The following DOK5 variants were observed in gnomAD, a reference collection of about 807,000 sequenced individuals.
The protein encoded by DOK5 is downstream of tyrosine kinase 5.
A neutral mutation model predicts 43.3 loss-of-function variants in DOK5; 27 were observed. That is an observed-to-expected ratio of 0.62 (90% CI 0.46 to 0.86). The LOEUF (loss-of-function observed/expected upper bound fraction) is 0.86, where lower values mean the gene tolerates loss of function less well. Ranked by LOEUF, DOK5 falls within the 40% of genes least tolerant of loss-of-function variation. The probability of loss-of-function intolerance (pLI) is 0.00; values close to 1 mark genes in which losing one functional copy is unlikely to be tolerated. For missense variants in DOK5, 373 were observed against 392.9 expected (o/e 0.95, Z 0.43); for synonymous variants, 146 against 140.1 (o/e 1.04, Z -0.30).
intron 1 of DOK5, among the ~76,000 whole-genome samples, chr20:54,488,760 T>TGCCCCTTCCCTCCC (rs762209109): frequency 1.0e-5 from 1 of 95,854 alleles, no homozygotes; most frequent in African/African-American, 7.3e-5. Context: ...CCTCTTTCCC[T>TGCCCCTTCCCTCCC]ACCCCTCCCC....
At chr20:54,569,261 A>G (rs900177374) in intron 2 of DOK5, among the ~76,000 whole-genome samples, 4 of 152,192 alleles carry the variant, frequency 2.6e-5, no homozygotes, top group Non-Finnish European at 5.9e-5. Flanking sequence ...AGTTCCTTTC[A>G]TATTCAAAAT....
In DOK5 at chr20:54,475,774, G is replaced by A; in HGVS notation, c.-173G>A. The A allele has an allele frequency of 6.4e-6, 5 of 777,232 alleles. No homozygotes were observed. Among genetic ancestry groups the A allele is most frequent in the Non-Finnish European group, 1.0e-5 (5 of 485,478 alleles). The allele number at this position is 777,232 out of a possible 1,614,324, so 48.1% of individuals were successfully genotyped here. On this transcript the variant is annotated 5_prime_UTR_variant, in exon 1 of 8. Coordinates refer to ENST00000262593, the MANE Select transcript of DOK5 (RefSeq NM_018431.5). The surrounding 1 kb of genome is among the most constrained non-coding windows in gnomAD (Gnocchi z 4.2). ...GCCGGCCGCCCACTGTCAGGGTTGG[G>A]GGGACAGAGAAAGTGATGTGCGCCT...
chr20:54,628,724 C>T, intron 6 of DOK5, among the ~76,000 whole-genome samples: 1 of 152,030 alleles, frequency 6.6e-6, no homozygotes, highest in East Asian at 1.9e-4. Context: ...GCAGAACGAG[C>T]CCCCCAAAAT....
intron 1 of DOK5, among the ~76,000 whole-genome samples, chr20:54,490,415 C>A (rs1197772355): frequency 2.0e-5 from 3 of 152,148 alleles, no homozygotes; most frequent in Non-Finnish European, 4.4e-5. Context: ...ACAGCTCAGT[C>A]TATATTCTTG....
At chr20:54,496,607 A>G (rs1982403101) in intron 1 of DOK5, among the ~76,000 whole-genome samples, 1 of 151,988 alleles carries the variant, frequency 6.6e-6, no homozygotes, top group Non-Finnish European at 1.5e-5. Context: ...CTCTACTAAA[A>G]ATACAAAAAT....
chr20:54,533,166 G>T (rs1427914829), intron 1 of DOK5, among the ~76,000 whole-genome samples: 1 of 152,112 alleles, frequency 6.6e-6, no homozygotes, highest in African/African-American at 2.4e-5. Flanking sequence ...AAAATTCTTT[G>T]GTGGGGGCTG....
In DOK5 at chr20:54,516,895, A is replaced by G. The variant is rs188910742; in HGVS notation, c.67-38038A>G. 1.9e-3 allele frequency among the ~76,000 whole-genome samples: 282 copies of G among 152,356 alleles called. 1 individual carries two copies. Among genetic ancestry groups the G allele is most frequent in the Non-Finnish European group, 2.3e-3 (155 of 68,040 alleles). On this transcript the variant is annotated intron_variant, in intron 1 of 7. Coordinates refer to ENST00000262593, the MANE Select transcript of DOK5 (RefSeq NM_018431.5). ...GCATTTATTCTGCAACACTGAATTT[A>G]AAACAGGTTTTTCTCAGAAGCAATT...
chr20:54,630,309 G>C (rs185706705), intron 6 of DOK5, among the ~76,000 whole-genome samples: 1 of 152,176 alleles, frequency 6.6e-6, no homozygotes, highest in East Asian at 1.9e-4. Context: ...ATAGAGTAGA[G>C]GAGATAGTCA....
At chr20:54,519,113 T>C (rs556287671) in intron 1 of DOK5, among the ~76,000 whole-genome samples, 1 of 152,206 alleles carries the variant, frequency 6.6e-6, no homozygotes, top group South Asian at 2.1e-4. Flanking sequence ...CTATTTTCAA[T>C]GAGAAGTTGA....
chr20:54,475,924 G>C lies in DOK5; in HGVS notation c.-23G>C, dbSNP rs750215059. ...CTTCGGGTGCGCGCTCTTGGGTAAAGGGGGGGTCACCGGCTGTCTGGGATG... is the reference window on the plus strand; with the variant it reads ...CTTCGGGTGCGCGCTCTTGGGTAAACGGGGGGTCACCGGCTGTCTGGGATG... On this transcript the variant is annotated 5_prime_UTR_variant, in exon 1 of 8. Coordinates refer to ENST00000262593, the MANE Select transcript of DOK5 (RefSeq NM_018431.5). This position sits in a 1 kb window ranked among gnomAD's most constrained non-coding sequence, Gnocchi z 4.2. 16 of 1,578,770 alleles carry C rather than the reference G, an allele frequency of 1.0e-5. No homozygotes were observed. In the South Asian group the frequency reaches 1.8e-4, roughly 18 times the overall value.
intron 1 of DOK5, among the ~76,000 whole-genome samples, chr20:54,514,812 A>G (rs1332447312): frequency 6.6e-6 from 1 of 151,942 alleles, no homozygotes; most frequent in East Asian, 1.9e-4. Context: ...GTTTGAGTGA[A>G]TGATGTCACA....
chr20:54,562,581 G>A (rs1984945387), intron 2 of DOK5, among the ~76,000 whole-genome samples: 1 of 152,072 alleles, frequency 6.6e-6, no homozygotes, highest in African/African-American at 2.4e-5. Context: ...ACCATGCCCA[G>A]CTGATTTTTT....
At chr20:54,543,467 C>A (rs1198559835) in intron 1 of DOK5, among the ~76,000 whole-genome samples, 2 of 152,020 alleles carry the variant, frequency 1.3e-5, no homozygotes, top group South Asian at 4.2e-4. Flanking sequence ...GAATCAAAAG[C>A]AGGTAATTCT....
intron 1 of DOK5, among the ~76,000 whole-genome samples, chr20:54,496,765 CAAAAAAAAAAAA>C (rs74179280): frequency 1.7e-5 from 1 of 59,508 alleles, no homozygotes; most frequent in Non-Finnish European, 3.7e-5. Context: ...GACTCCGTCT[CAAAAAAAAAAAA>C]AAAAAAAAAG....
chr20:54,607,402 T>TGG (rs1349995083), intron 5 of DOK5, among the ~76,000 whole-genome samples: 3 of 55,270 alleles, frequency 5.4e-5, no homozygotes, highest in Middle Eastern at 8.1e-3. Flanking sequence ...TAGTGGTAAG[T>TGG]GGTGTGTGTG....
intron 2 of DOK5, among the ~76,000 whole-genome samples, chr20:54,579,451 A>G (rs1985563085): frequency 6.6e-6 from 1 of 152,102 alleles, no homozygotes; most frequent in Admixed American, 6.6e-5. Context: ...TTAAGTGTAC[A>G]GTGCAGTATT....
In DOK5 at chr20:54,475,612, G is replaced by C; in HGVS notation, c.-335G>C. 2 of 379,802 alleles carry C rather than the reference G, an allele frequency of 5.3e-6. No homozygotes were observed. The highest frequency in any genetic ancestry group is 4.8e-6 in the Non-Finnish European group (1 of 209,464). 23.5% of individuals were successfully genotyped at this position (379,802 alleles called of 1,614,324 possible). ...CTCCTCCTTCTTCTCCTCCTTCTCG[G>C]CCGGGAGGAGGCAGGGCTGGATCCC... On this transcript the variant is annotated 5_prime_UTR_variant, in exon 1 of 8. Transcript: ENST00000262593. This position sits in a 1 kb window ranked among gnomAD's most constrained non-coding sequence, Gnocchi z 4.2.
rs1600725581 is a variant in DOK5 at position 54,597,362 on chromosome 20, G to A, written c.599+5557G>A. Among the ~76,000 whole-genome samples the A allele has an allele frequency of 1.3e-5, 2 of 152,264 alleles. 1 individual carries two copies. Among genetic ancestry groups the A allele is most frequent in the East Asian group, 3.9e-4 (2 of 5,182 alleles). On this transcript the variant is annotated intron_variant, in intron 5 of 7. Coordinates refer to ENST00000262593, the MANE Select transcript of DOK5 (RefSeq NM_018431.5). ...AAAAGGGCCAGAGATGCTGCTACAG[G>A]CACAGAATAGTCCTTGACAACAAAG...
intron 6 of DOK5, among the ~76,000 whole-genome samples, chr20:54,623,578 A>ATTTTTTTTTTTTTTTTTTTTTTTTTT (rs1987052034): frequency 6.6e-6 from 1 of 151,762 alleles, no homozygotes; most frequent in Admixed American, 6.6e-5. Flanking sequence ...GTCTTTTTTT[A>ATTTTTTTTTTTTTTTTTTTTTTTTTT]TTTTTATTTT....
Sources: gnomAD v4.1 joint callset for allele counts (sites outside exome capture counted in the v4.1 genomes callset) on GRCh38, gnomAD v4.1.1 for gene constraint, Gnocchi (gnomAD v3.1) non-coding constraint, MANE v1.5 for transcripts, NCBI Gene and HGNC (gene_info 2026-07-23, HGNC 2026-07-21) for gene names.